Variants in PHF20 observed in about 807,000 individuals in gnomAD.
PHF20 encodes the protein PHD finger protein 20, also known as glioma-expressed antigen 2.
A neutral mutation model predicts 113.5 loss-of-function variants in PHF20; 23 were observed. The ratio of observed to expected loss-of-function variants is 0.20; its 90% confidence interval spans 0.15 to 0.29. PHF20 has a LOEUF of 0.29. Ranked by LOEUF, PHF20 falls within the 10% of genes least tolerant of loss-of-function variation. PHF20 has a pLI of 1.00. For synonymous variants in PHF20, 434 were observed against 457.3 expected (o/e 0.95, Z 0.65); for missense variants, 943 against 1,219.6 (o/e 0.77, Z 3.38).
In PHF20 at chr20:35,777,564, C is replaced by T. The variant is rs2041199964; in HGVS notation, c.-33+5485C>T. Among the ~76,000 whole-genome samples the T allele has an allele frequency of 2.6e-5, 4 of 152,280 alleles. No homozygotes were observed. The South Asian group carries it at 8.3e-4, about 32-fold the overall frequency. On this transcript the variant is annotated intron_variant, in intron 1 of 17. Transcript: ENST00000374012. ...GGTGCAGTGGCTTACGCCTGTAATC[C>T]CAACACTTTGGGAGGCCAGAGTGGG...
At chr20:35,803,684 ATGTGTG>A (rs11472633) in intron 2 of PHF20, among the ~76,000 whole-genome samples, 3 of 144,338 alleles carry the variant, frequency 2.1e-5, no homozygotes, top group Admixed American at 6.9e-5. Flanking sequence ...GTATATATAT[ATGTGTG>A]TGTGTGTGTG....
rs1354583293 is a variant in PHF20 at position 35,860,289 on chromosome 20, G to A, written c.420+1908G>A. ...GGAGTCTCACTCTGTAGCCTAGGCT[G>A]GAGTACAGTGATGCAATCTAGGCTC... On this transcript the variant is annotated intron_variant, in intron 5 of 17. Coordinates refer to ENST00000374012, the MANE Select transcript of PHF20 (RefSeq NM_016436.5). Among the ~76,000 whole-genome samples the A allele has an allele frequency of 2.1e-5, 3 of 146,156 alleles. No individual in the cohort carries two copies. The Admixed American group carries it at 2.1e-4, about 10-fold the overall frequency.
At chr20:35,935,951 A>C (rs377145268) in intron 15 of PHF20, among the ~76,000 whole-genome samples, 1 of 152,306 alleles carries the variant, frequency 6.6e-6, no homozygotes, top group African/African-American at 2.4e-5. Flanking sequence ...TAAAACTGGG[A>C]GTAACTTCAG....
intron 1 of PHF20, among the ~76,000 whole-genome samples, chr20:35,772,449 C>G (rs888358321): frequency 6.6e-6 from 1 of 152,174 alleles, no homozygotes; most frequent in African/African-American, 2.4e-5. Context: ...GCACCTAGAG[C>G]CTCATCAGCA....
At chr20:35,772,635 A>G (rs2041085291) in intron 1 of PHF20, among the ~76,000 whole-genome samples, 1 of 151,680 alleles carries the variant, frequency 6.6e-6, no homozygotes, top group Non-Finnish European at 1.5e-5. Context: ...CTGGAATTTT[A>G]TCTAAATTTC....
At chr20:35,795,281 G>T (rs1247331661) in intron 1 of PHF20, among the ~76,000 whole-genome samples, 2 of 151,680 alleles carry the variant, frequency 1.3e-5, no homozygotes, top group Non-Finnish European at 2.9e-5. Context: ...TGATGCCTGG[G>T]CTAGAGTGCA....
chr20:35,942,276 C>T (rs1233184024), intron 17 of PHF20, among the ~76,000 whole-genome samples: 1 of 151,580 alleles, frequency 6.6e-6, no homozygotes, highest in African/African-American at 2.4e-5. Context: ...AAAAAATAAA[C>T]TAAAAAAAAG....
intron 9 of PHF20, among the ~76,000 whole-genome samples, chr20:35,889,492 G>A (rs1254902070): frequency 6.6e-6 from 1 of 151,910 alleles, no homozygotes; most frequent in African/African-American, 2.4e-5. Flanking sequence ...CTCCCGAGTA[G>A]CTGGGACAAT....
At position 35,938,895 on chromosome 20, in the gene PHF20, C is replaced by T. The variant is rs1383267491; in HGVS notation, c.2499C>T (p.Ser833=). ...CCCTGCCGCGTTCTGTGGAGGAATCCTATATCACCAGTGAGCATTGCTACC... is the reference window on the plus strand; with the variant it reads ...CCCTGCCGCGTTCTGTGGAGGAATCTTATATCACCAGTGAGCATTGCTACC... ...ALPLPRSVEE[S]YITSEHCYQK... The change falls in exon 16 of 18, where the codon TCC becomes TCT. Residue 833 remains serine (S), a synonymous_variant. Transcript: ENST00000374012. 6.2e-7 allele frequency: 1 copy of T among 1,614,182 alleles called. No individual in the cohort carries two copies. Among genetic ancestry groups the T allele is most frequent in the Admixed American group, 1.7e-5 (1 of 60,026 alleles).
chr20:35,849,534 A>G (rs1221958013), intron 4 of PHF20: 3 of 468,818 alleles, frequency 6.4e-6, no homozygotes, highest in African/African-American at 6.0e-5. Context: ...GATGGATCAG[A>G]AACTCTTTGA....
chr20:35,920,622 G>A (rs1024332643), intron 13 of PHF20, among the ~76,000 whole-genome samples: 1 of 152,198 alleles, frequency 6.6e-6, no homozygotes, highest in Non-Finnish European at 1.5e-5. Flanking sequence ...TAGCTACGGG[G>A]ATTTACATTT....
intron 4 of PHF20, chr20:35,849,262 T>C (rs1052439178): frequency 3.4e-5 from 12 of 354,492 alleles, no homozygotes; most frequent in Non-Finnish European, 6.2e-5. Context: ...CTATGTCTGA[T>C]TCAGAGATGA....
At chr20:35,929,561 T>C (rs1008775069) in intron 14 of PHF20, among the ~76,000 whole-genome samples, 8 of 152,288 alleles carry the variant, frequency 5.3e-5, no homozygotes, top group Non-Finnish European at 8.8e-5. Flanking sequence ...CTCTAGGCAC[T>C]GCCTGCAGCA....
At chr20:35,785,121 C>A (rs182413327) in intron 1 of PHF20, among the ~76,000 whole-genome samples, 3 of 151,566 alleles carry the variant, frequency 2.0e-5, no homozygotes, top group East Asian at 3.9e-4. Context: ...GCTCTTCTAT[C>A]TAGCCAGGTG....
intron 17 of PHF20, among the ~76,000 whole-genome samples, chr20:35,946,558 T>C (rs1431241461): frequency 6.6e-6 from 1 of 151,998 alleles, no homozygotes; most frequent in Non-Finnish European, 1.5e-5. Context: ...GATATACAAA[T>C]AGACCTTTTC....
chr20:35,920,664 T>G (rs2055494240), intron 13 of PHF20, among the ~76,000 whole-genome samples: 2 of 152,174 alleles, frequency 1.3e-5, no homozygotes, highest in South Asian at 4.1e-4. Context: ...AAAAATTTGT[T>G]TTTGAAACAT....
chr20:35,875,353 G>A (rs1251123053), intron 9 of PHF20, among the ~76,000 whole-genome samples: 1 of 151,260 alleles, frequency 6.6e-6, no homozygotes, highest in Non-Finnish European at 1.5e-5. Context: ...AGTTGAGATC[G>A]CACCACTGCA....
intron 1 of PHF20, among the ~76,000 whole-genome samples, chr20:35,778,534 G>C (rs1406388913): frequency 6.6e-6 from 1 of 152,056 alleles, no homozygotes; most frequent in African/African-American, 2.4e-5. Flanking sequence ...TGGATCACCT[G>C]AAGTCAGGAG....
chr20:35,830,709 A>G (rs899976634), intron 2 of PHF20, among the ~76,000 whole-genome samples: 3 of 151,420 alleles, frequency 2.0e-5, no homozygotes, highest in African/African-American at 7.3e-5. Flanking sequence ...TTAATTCAGA[A>G]GTTTGCTTTT....
Sources: gnomAD v4.1 joint callset for allele counts (sites outside exome capture counted in the v4.1 genomes callset) on GRCh38, gnomAD v4.1.1 for gene constraint, MANE v1.5 for transcripts, NCBI Gene and HGNC (gene_info 2026-07-23, HGNC 2026-07-21) for gene names.